Variants in TMEM62 observed in about 807,000 individuals in gnomAD.
TMEM62 encodes transmembrane protein 62.
A neutral mutation model predicts 70.4 loss-of-function variants in TMEM62; 41 were observed. The ratio of observed to expected loss-of-function variants is 0.58; its 90% CI spans 0.45 to 0.76. The LOEUF is 0.76. Ranked by LOEUF, TMEM62 falls within the 30% of genes least tolerant of loss-of-function variation. TMEM62 has a pLI of 0.00. For synonymous variants in TMEM62, 268 were observed against 291.0 expected, an observed-to-expected ratio of 0.92 and a Z score of 0.80; for missense variants, 688 against 788.5, an observed-to-expected ratio of 0.87 and a Z score of 1.53.
intron 3 of TMEM62, among the ~76,000 whole-genome samples, chr15:43,138,026 A>G (rs556665835): frequency 6.6e-6 from 1 of 152,318 alleles, no homozygotes; most frequent in Admixed American, 6.5e-5. Flanking sequence ...AAACCTAGCC[A>G]TGAAGGCAGC....
At chr15:43,167,467 G>A (rs965558269) in intron 10 of TMEM62, among the ~76,000 whole-genome samples, 7 of 151,106 alleles carry the variant, frequency 4.6e-5, no homozygotes, top group African/African-American at 1.2e-4. Context: ...CGGCAGAGAC[G>A]CTCCTCACAT....
Position 43,144,574 on chromosome 15 carries a change from A to G in TMEM62, c.477-1919A>G, listed in dbSNP as rs2036437435. Among the ~76,000 whole-genome samples, 3 of 152,238 alleles carry G rather than the reference A, an allele frequency of 2.0e-5. No individual in the cohort carries two copies. The South Asian group carries it at 6.2e-4, about 32-fold the overall frequency. On this transcript the variant is annotated intron_variant, in intron 4 of 13. Transcript: ENST00000260403. The stretch of plus-strand genomic sequence containing the variant: ...TGCAATAGTCTAGTCATGATAATGA[A>G]AAGTCATACCCATCTGAACTAAGTT...
chr15:43,153,658 TTG>T (rs71431882), intron 8 of TMEM62, among the ~76,000 whole-genome samples: 8,774 of 149,652 alleles, frequency 0.059, 301 homozygotes, highest in South Asian at 0.1. Flanking sequence ...CCATTGTACA[TTG>T]TGTGTGTGTG....
At chr15:43,146,277 T>G in intron 4 of TMEM62, 1 of 431,882 alleles carries the variant, frequency 2.3e-6, no homozygotes, top group Non-Finnish European at 4.1e-6. Context: ...TGAACTTGTA[T>G]TTGGTTATTG....
chr15:43,177,643 C>A (rs1260613341), intron 11 of TMEM62, among the ~76,000 whole-genome samples: 2 of 152,070 alleles, frequency 1.3e-5, no homozygotes, highest in East Asian at 3.8e-4. Flanking sequence ...AAATGTGGCA[C>A]ATATACACCA....
chr15:43,178,350 T>C (rs1433194037), intron 11 of TMEM62, among the ~76,000 whole-genome samples: 2 of 152,150 alleles, frequency 1.3e-5, no homozygotes, highest in Admixed American at 6.5e-5. Flanking sequence ...AACAATTATG[T>C]ATCTTATGAT....
intron 11 of TMEM62, among the ~76,000 whole-genome samples, chr15:43,173,854 A>AT (rs1425987846): frequency 7.4e-6 from 1 of 135,690 alleles, no homozygotes; most frequent in Non-Finnish European, 1.6e-5. Flanking sequence ...CAATGCAGGA[A>AT]CTTTTTTTTT....
chr15:43,171,393 C>T (rs926916636), intron 11 of TMEM62, among the ~76,000 whole-genome samples: 1 of 151,614 alleles, frequency 6.6e-6, no homozygotes, highest in Non-Finnish European at 1.5e-5. Context: ...ATAAAACTTC[C>T]ATTACAGGAC....
chr15:43,172,811 A>T (rs1261493827), intron 11 of TMEM62, among the ~76,000 whole-genome samples: 3 of 152,358 alleles, frequency 2.0e-5, no homozygotes, highest in South Asian at 2.1e-4. Context: ...TTAAAAAAAT[A>T]AAAACATATA....
chr15:43,155,753 T>C (rs972520975), intron 9 of TMEM62, among the ~76,000 whole-genome samples: 3 of 152,216 alleles, frequency 2.0e-5, no homozygotes, highest in African/African-American at 7.2e-5. Flanking sequence ...ACATGTATTA[T>C]GTATCCATGT....
chr15:43,143,273 G>C (rs1232627289), intron 4 of TMEM62, among the ~76,000 whole-genome samples: 1 of 152,138 alleles, frequency 6.6e-6, no homozygotes, highest in Non-Finnish European at 1.5e-5. Flanking sequence ...TGTTGGCCAG[G>C]CTGGTCTCAA....
chr15:43,162,372 C>T (rs1474963051), intron 10 of TMEM62, among the ~76,000 whole-genome samples: 1 of 150,196 alleles, frequency 6.7e-6, no homozygotes, highest in Non-Finnish European at 1.5e-5. Flanking sequence ...CTCCTGACCT[C>T]AAGTGATCCA....
chr15:43,138,236 G>C (rs2035507590), intron 3 of TMEM62, among the ~76,000 whole-genome samples: 1 of 152,198 alleles, frequency 6.6e-6, no homozygotes, highest in Non-Finnish European at 1.5e-5. Flanking sequence ...GCCCTAGAGA[G>C]ATGGGCCATG....
At chr15:43,143,451 C>A (rs749216708) in intron 4 of TMEM62, among the ~76,000 whole-genome samples, 1 of 152,176 alleles carries the variant, frequency 6.6e-6, no homozygotes, top group Non-Finnish European at 1.5e-5. Flanking sequence ...TGTCAGGAAC[C>A]ACAATATCTC....
intron 9 of TMEM62, among the ~76,000 whole-genome samples, chr15:43,155,054 C>T (rs1263333081): frequency 6.6e-6 from 1 of 152,104 alleles, no homozygotes; most frequent in Non-Finnish European, 1.5e-5. Context: ...ACAGTGAAAC[C>T]CTGTCTTTAC....
At chr15:43,135,449 A>G in intron 2 of TMEM62, 63 bp from the exon 3 acceptor site, 1 of 1,515,062 alleles carries the variant, frequency 6.6e-7, no homozygotes, top group Non-Finnish European at 8.8e-7. Flanking sequence ...TACATATCTA[A>G]AAAAAATGGA....
intron 3 of TMEM62, among the ~76,000 whole-genome samples, chr15:43,136,231 G>T: frequency 6.6e-6 from 1 of 152,292 alleles, no homozygotes; most frequent in Non-Finnish European, 1.5e-5. Flanking sequence ...GTTACCAGAG[G>T]ATAGGGATTG....
rs527392950 is a variant in TMEM62 at position 43,134,653 on chromosome 15, G to A, written c.292+285G>A. Among the ~76,000 whole-genome samples the A allele has an allele frequency of 2.0e-5, 3 of 152,350 alleles. No individual in the cohort carries two copies. In the South Asian group the frequency reaches 6.2e-4, roughly 32 times the overall value. On this transcript the variant is annotated intron_variant, in intron 2 of 13. Coordinates refer to ENST00000260403, the MANE Select transcript of TMEM62 (RefSeq NM_024956.4). Reference sequence around the variant, plus strand: ...CTGTTGTCTGATATATTTGTATCTGGTTTTTGTTCTTGTTGTTGTTACAGT... The same window carrying A: ...CTGTTGTCTGATATATTTGTATCTGATTTTTGTTCTTGTTGTTGTTACAGT...
At chr15:43,166,632 A>C (rs1567221206) in intron 10 of TMEM62, among the ~76,000 whole-genome samples, 1 of 150,682 alleles carries the variant, frequency 6.6e-6, no homozygotes, top group Non-Finnish European at 1.5e-5. Context: ...ACAGGACAAT[A>C]GTGGAGGGAA....
Sources: allele counts gnomAD v4.1 joint callset (sites outside exome capture counted in the v4.1 genomes callset), GRCh38; gene constraint gnomAD v4.1.1; transcripts MANE v1.5; gene names NCBI Gene and HGNC (gene_info 2026-07-23, HGNC 2026-07-21).